The following CNTN5 variants were observed in gnomAD, a reference collection of about 807,000 sequenced individuals.
CNTN5 encodes contactin 5.
Under a neutral mutation model 129.1 loss-of-function variants are expected in CNTN5, and 77 were observed. The ratio of observed to expected loss-of-function variants is 0.60; its 90% confidence interval spans 0.50 to 0.72. The LOEUF (loss-of-function observed/expected upper bound fraction) is 0.72, where lower values mean the gene tolerates loss of function less well. Among genes scored for constraint, CNTN5 ranks in the 30% least tolerant of loss-of-function variants. CNTN5 has a pLI of 0.00. For missense variants in CNTN5, 1,478 were observed against 1,328.8 expected, an observed-to-expected ratio of 1.11 and a Z score of -1.75; for synonymous variants, 509 against 465.6, an observed-to-expected ratio of 1.09 and a Z score of -1.20.
chr11:100,223,625 T>C (rs1031556822), intron 15 of CNTN5, among the ~76,000 whole-genome samples: 1 of 152,178 alleles, frequency 6.6e-6, no homozygotes, highest in Non-Finnish European at 1.5e-5. Flanking sequence ...CTGGGATGCC[T>C]CTCTATGACT....
At chr11:99,196,340 T>C (rs1858901025) in intron 1 of CNTN5, among the ~76,000 whole-genome samples, 1 of 151,970 alleles carries the variant, frequency 6.6e-6, no homozygotes, top group Non-Finnish European at 1.5e-5. Context: ...AAAACAATTG[T>C]AAATATTTGT....
intron 1 of CNTN5, among the ~76,000 whole-genome samples, chr11:99,281,196 G>A (rs1863679950): frequency 1.3e-5 from 2 of 151,828 alleles, no homozygotes; most frequent in African/African-American, 4.8e-5. Flanking sequence ...AAAGAGAGGG[G>A]AATAGAATGA....
chr11:99,403,419 C>T (rs1941921572), intron 2 of CNTN5, among the ~76,000 whole-genome samples: 1 of 151,794 alleles, frequency 6.6e-6, no homozygotes, highest in South Asian at 2.1e-4. Flanking sequence ...TTTACTCTTC[C>T]TTATCTAATA....
intron 1 of CNTN5, among the ~76,000 whole-genome samples, chr11:99,197,822 A>T (rs1858980113): frequency 6.6e-6 from 1 of 152,066 alleles, no homozygotes; most frequent in South Asian, 2.1e-4. Context: ...AACTTGTTTG[A>T]TTTATTATTT....
chr11:99,961,220 A>AACG (rs141584745), intron 8 of CNTN5, among the ~76,000 whole-genome samples: 10 of 88,212 alleles, frequency 1.1e-4, no homozygotes, highest in South Asian at 9.4e-4. Flanking sequence ...AAAAAAAAAA[A>AACG]AAAAACAGTA....
intron 18 of CNTN5, among the ~76,000 whole-genome samples, chr11:100,295,634 C>A (rs889357606): frequency 6.6e-6 from 1 of 151,238 alleles, no homozygotes; most frequent in African/African-American, 2.4e-5. Context: ...GACTAGAGAG[C>A]CTAGAGCCTA....
chr11:99,817,940 C>A (rs754803718), intron 3 of CNTN5, among the ~76,000 whole-genome samples: 6 of 152,078 alleles, frequency 3.9e-5, no homozygotes, highest in African/African-American at 7.2e-5. Context: ...TCCTGATGGT[C>A]TTGGGCTACA....
intron 2 of CNTN5, among the ~76,000 whole-genome samples, chr11:99,427,693 G>A (rs920666171): frequency 1.3e-5 from 2 of 148,360 alleles, no homozygotes; most frequent in African/African-American, 5.0e-5. Context: ...TTGAACCCGG[G>A]AGGCAGAAGT....
At chr11:99,261,654 C>T (rs2135824953) in intron 1 of CNTN5, among the ~76,000 whole-genome samples, 1 of 152,116 alleles carries the variant, frequency 6.6e-6, no homozygotes, top group African/African-American at 2.4e-5. Context: ...GGCTCAGATG[C>T]ATACACATTT....
chr11:100,319,062 C>T (rs1555068920), intron 21 of CNTN5, among the ~76,000 whole-genome samples: 3 of 152,058 alleles, frequency 2.0e-5, no homozygotes, highest in African/African-American at 2.4e-5. Context: ...ATTACTAAAC[C>T]CCAGAGACCC....
At chr11:99,943,908 C>G (rs1439263184) in intron 7 of CNTN5, among the ~76,000 whole-genome samples, 1 of 152,018 alleles carries the variant, frequency 6.6e-6, no homozygotes, top group Admixed American at 6.6e-5. Flanking sequence ...TGTTTTGGTA[C>G]CATTACCATA....
chr11:99,189,640 C>A (rs561063963), intron 1 of CNTN5, among the ~76,000 whole-genome samples: 36 of 151,656 alleles, frequency 2.4e-4, no homozygotes, highest in African/African-American at 8.7e-4. Context: ...AGTTACATTT[C>A]TATGATGATT....
At chr11:99,191,118 A>T (rs1280140728) in intron 1 of CNTN5, among the ~76,000 whole-genome samples, 2 of 151,582 alleles carry the variant, frequency 1.3e-5, no homozygotes, top group African/African-American at 2.4e-5. Flanking sequence ...TTGTTTCTTC[A>T]TTCTGTTGAT....
intron 1 of CNTN5, among the ~76,000 whole-genome samples, chr11:99,274,328 A>G (rs879896328): frequency 4.0e-5 from 6 of 151,736 alleles, no homozygotes; most frequent in Admixed American, 6.6e-5. Flanking sequence ...CTTGTCTGAA[A>G]TATGTGTTAA....
intron 1 of CNTN5, among the ~76,000 whole-genome samples, chr11:99,273,159 T>C (rs778101250): frequency 3.3e-5 from 5 of 151,734 alleles, no homozygotes; most frequent in Non-Finnish European, 7.4e-5. Context: ...AGGCGAGCGG[T>C]CTAAATGGGA....
intron 4 of CNTN5, among the ~76,000 whole-genome samples, chr11:99,832,192 AT>A: frequency 6.6e-6 from 1 of 152,192 alleles, no homozygotes. Context: ...CTAAAAAAAA[AT>A]CAAGTAATAA....
At chr11:100,319,004 T>C (rs1286271212) in intron 21 of CNTN5, among the ~76,000 whole-genome samples, 1 of 152,132 alleles carries the variant, frequency 6.6e-6, no homozygotes, top group Non-Finnish European at 1.5e-5. Flanking sequence ...TGAATTACTA[T>C]GAAGTAAATA....
At chr11:100,206,205 A>C (rs1591392105) in intron 15 of CNTN5, among the ~76,000 whole-genome samples, 3 of 152,114 alleles carry the variant, frequency 2.0e-5, no homozygotes, top group Non-Finnish European at 4.4e-5. Context: ...AAAACAGAGT[A>C]AGTTTTGCAG....
At chr11:99,999,001 T>C (rs1020638219) in intron 8 of CNTN5, among the ~76,000 whole-genome samples, 4 of 152,012 alleles carry the variant, frequency 2.6e-5, no homozygotes, top group African/African-American at 4.8e-5. Context: ...ATACAAAAAT[T>C]AATTCAAGAT....
Sources: allele counts gnomAD v4.1 joint callset (sites outside exome capture counted in the v4.1 genomes callset), GRCh38; gene constraint gnomAD v4.1.1; transcripts MANE v1.5; gene names NCBI Gene and HGNC (gene_info 2026-07-23, HGNC 2026-07-21).